Variants in RIN3 observed in about 807,000 individuals in gnomAD.
RIN3 encodes the protein RAB5 interacting protein 3.
RIN3 carries 54 observed loss-of-function variants against 76.3 expected under a neutral mutation model. The ratio of observed to expected loss-of-function variants is 0.71; its 90% confidence interval spans 0.57 to 0.89. The LOEUF is 0.89. RIN3 is among the 40% of genes least tolerant of loss of function. The probability of loss-of-function intolerance (pLI) is 0.00; values close to 1 mark genes in which losing one functional copy is unlikely to be tolerated. For synonymous variants in RIN3, 576 were observed against 564.0 expected (o/e 1.02, Z -0.30); for missense variants, 1,256 against 1,322.1 (o/e 0.95, Z 0.78).
chr14:92,662,007 AAAG>A (rs2098079604), intron 7 of RIN3, among the ~76,000 whole-genome samples: 1 of 152,210 alleles, frequency 6.6e-6, no homozygotes, highest in African/African-American at 2.4e-5. Context: ...AAAAATCCCC[AAAG>A]AAGTACATGG....
At chr14:92,527,944 G>A (rs8008112) in intron 1 of RIN3, among the ~76,000 whole-genome samples, 10,878 of 152,064 alleles carry the variant, frequency 0.072, 1,302 homozygotes, top group African/African-American at 0.25. Context: ...ACAAATACAG[G>A]CACTAACAAA....
rs754349326 is a variant in RIN3, at chr14:92,685,166, G to C, written c.2631+16G>C. ...CTCCGTACAGGTGAGGCCTGAGAGCGGGAGGGGCCCGGTGGGGCCATGTCC... is the reference window on the plus strand; with the variant it reads ...CTCCGTACAGGTGAGGCCTGAGAGCCGGAGGGGCCCGGTGGGGCCATGTCC... On this transcript the variant is annotated intron_variant, in intron 9 of 9. Coordinates refer to ENST00000216487, the MANE Select transcript of RIN3 (RefSeq NM_024832.5). This position sits in a 1 kb window ranked among gnomAD's most constrained non-coding sequence, Gnocchi z 4.7. 6.3e-7 allele frequency: 1 copy of C among 1,588,104 alleles called. No homozygotes were observed. Among genetic ancestry groups the C allele is most frequent in the Admixed American group, 1.7e-5 (1 of 57,594 alleles).
chr14:92,590,266 T>C (rs1294469914), intron 3 of RIN3, among the ~76,000 whole-genome samples: 2 of 152,226 alleles, frequency 1.3e-5, no homozygotes, highest in Admixed American at 6.5e-5. Flanking sequence ...CTCAATAAGG[T>C]ATGCTTTCAG....
At chr14:92,601,022 T>C (rs1393864311) in intron 3 of RIN3, among the ~76,000 whole-genome samples, 1 of 152,224 alleles carries the variant, frequency 6.6e-6, no homozygotes, top group Non-Finnish European at 1.5e-5. Flanking sequence ...GCACCTGAGA[T>C]GTGGCTCAAG....
At chr14:92,555,119 A>G (rs1259845942) in intron 1 of RIN3, among the ~76,000 whole-genome samples, 2 of 152,208 alleles carry the variant, frequency 1.3e-5, no homozygotes, top group African/African-American at 4.8e-5. Flanking sequence ...ACACAGGTGT[A>G]GACATATGTA....
chr14:92,644,641 C>T (rs6575271), intron 5 of RIN3: 152,345 of 152,346 alleles, frequency 1, 76,172 homozygotes, highest in Non-Finnish European at 1. Context: ...TGAAGGGATC[C>T]GTGCAGACCT....
In RIN3 at chr14:92,652,428, C is replaced by A. The variant is rs780485583; in HGVS notation, c.1379C>A (p.Pro460His). The A allele has an allele frequency of 1.2e-6, 2 of 1,613,996 alleles. No individual in the cohort carries two copies. Among genetic ancestry groups the A allele is most frequent in the Non-Finnish European group, 1.7e-6 (2 of 1,179,996 alleles). The change falls in exon 6 of 10, where the codon CCC becomes CAC. Residue 460 changes from proline (P) to histidine (H), a missense_variant. Physicochemically the swap from Pro to His is moderately conservative, Grantham distance 77 (BLOSUM62 -2). Coordinates refer to ENST00000216487, the MANE Select transcript of RIN3 (RefSeq NM_024832.5). This position sits in a 1 kb window ranked among gnomAD's most constrained non-coding sequence, Gnocchi z 6.4. Reference protein sequence around the residue: ...PRTAKQPPVPPPRKKRISRQL... With the variant: ...PRTAKQPPVPHPRKKRISRQL... ...ACAGCCAAACAACCCCCAGTCCCGC[C>A]CCCCAGGAAAAAACGGATCTCTCGA...
intron 1 of RIN3, among the ~76,000 whole-genome samples, chr14:92,533,205 A>G (rs911273967): frequency 6.6e-6 from 1 of 152,228 alleles, no homozygotes; most frequent in Non-Finnish European, 1.5e-5. Flanking sequence ...CTAGATCAGC[A>G]TTGTCCAGTG....
At chr14:92,637,915 C>A (rs1886833544) in intron 4 of RIN3, among the ~76,000 whole-genome samples, 1 of 152,038 alleles carries the variant, frequency 6.6e-6, no homozygotes, top group South Asian at 2.1e-4. Flanking sequence ...TGGGTGAGTC[C>A]CTTAACCTCC....
chr14:92,544,293 T>A (rs1326981561), intron 1 of RIN3, among the ~76,000 whole-genome samples: 1 of 148,358 alleles, frequency 6.7e-6, no homozygotes, highest in African/African-American at 2.5e-5. Context: ...CACACCGCAC[T>A]CTTCCCGCCT....
intron 4 of RIN3, among the ~76,000 whole-genome samples, chr14:92,630,535 G>C (rs1886537995): frequency 2.0e-5 from 3 of 152,210 alleles, no homozygotes; most frequent in Non-Finnish European, 4.4e-5. Context: ...CAGTGCCCTT[G>C]TTCTACTTCC....
At chr14:92,545,576 CTTTTTCT>C (rs1566835633) in intron 1 of RIN3, among the ~76,000 whole-genome samples, 1 of 125,058 alleles carries the variant, frequency 8.0e-6, no homozygotes, top group East Asian at 2.3e-4. Flanking sequence ...TTTCTTTTTT[CTTTTTCT>C]TTTTTTTTTT....
intron 4 of RIN3, among the ~76,000 whole-genome samples, chr14:92,631,829 C>A (rs1886595992): frequency 6.6e-6 from 1 of 152,124 alleles, no homozygotes; most frequent in South Asian, 2.1e-4. Context: ...GTCTTGAACT[C>A]CTGACCTCAA....
intron 2 of RIN3, among the ~76,000 whole-genome samples, chr14:92,577,108 G>A (rs1460936631): frequency 1.3e-5 from 2 of 152,152 alleles, no homozygotes; most frequent in African/African-American, 4.8e-5. Context: ...TACCCTTATA[G>A]AAACATTGAC....
chr14:92,652,637 T>A lies in RIN3; in HGVS notation c.1588T>A (p.Ser530Thr). The A allele has an allele frequency of 1.2e-6, 2 of 1,611,336 alleles. No individual in the cohort carries two copies. The highest frequency in any genetic ancestry group is 1.7e-6 in the Non-Finnish European group (2 of 1,179,898). The change falls in exon 6 of 10, where the codon TCC becomes ACC. Residue 530 changes from serine (S) to threonine (T), a missense_variant. Coordinates refer to ENST00000216487, the MANE Select transcript of RIN3 (RefSeq NM_024832.5). The surrounding 1 kb of genome is among the most constrained non-coding windows in gnomAD (Gnocchi z 6.4). ...HSQSSPEFKG[S>T]LASLSDSLGV... ...CCAGAGCTCTCCAGAGTTCAAGGGC[T>A]CCCTGGCCTCCCTCTCAGACAGCTT...
intron 3 of RIN3, among the ~76,000 whole-genome samples, chr14:92,611,990 G>GCCACACACTTTTAA (rs1885756484): frequency 6.6e-6 from 1 of 152,058 alleles, no homozygotes; most frequent in Non-Finnish European, 1.5e-5. Context: ...GGGGGCAGGG[G>GCCACACACTTTTAA]CCAGACACTT....
intron 3 of RIN3, among the ~76,000 whole-genome samples, chr14:92,588,947 T>C (rs1884883187): frequency 6.6e-6 from 1 of 152,100 alleles, no homozygotes; most frequent in African/African-American, 2.4e-5. Flanking sequence ...AGTGTAGGAG[T>C]TAGTTTGTCC....
chr14:92,673,101 C>T (rs561723818), intron 7 of RIN3, among the ~76,000 whole-genome samples: 1 of 151,384 alleles, frequency 6.6e-6, no homozygotes, highest in African/African-American at 2.4e-5. Flanking sequence ...GGCAACACGG[C>T]AAAACCCTGT....
chr14:92,546,536 C>A (rs1320918202), intron 1 of RIN3, among the ~76,000 whole-genome samples: 1 of 152,182 alleles, frequency 6.6e-6, no homozygotes, highest in Non-Finnish European at 1.5e-5. Flanking sequence ...GCGCCATTGG[C>A]TTTCCCCATT....
Sources: gnomAD v4.1 joint callset for allele counts (sites outside exome capture counted in the v4.1 genomes callset) on GRCh38, gnomAD v4.1.1 for gene constraint, Gnocchi (gnomAD v3.1) non-coding constraint, MANE v1.5 for transcripts, NCBI Gene and HGNC (gene_info 2026-07-23, HGNC 2026-07-21) for gene names.